GHR: variants seen among roughly 807,000 people sequenced by gnomAD.
GHR encodes the protein growth hormone receptor.
A neutral mutation model predicts 67.1 loss-of-function variants in GHR; 35 were observed. That is an observed-to-expected ratio of 0.52 (90% CI 0.40 to 0.69). The LOEUF (loss-of-function observed/expected upper bound fraction) is 0.69, where lower values mean the gene tolerates loss of function less well. Among genes scored for constraint, GHR ranks in the 30% least tolerant of loss-of-function variants. The pLI is 0.00. For synonymous variants in GHR, 272 were observed against 269.1 expected (o/e 1.01, Z -0.10); for missense variants, 792 against 764.6 (o/e 1.04, Z -0.42).
intron 3 of GHR, among the ~76,000 whole-genome samples, chr5:42,673,679 C>T (rs1433020625): frequency 6.6e-6 from 1 of 152,102 alleles, no homozygotes; most frequent in Non-Finnish European, 1.5e-5. Flanking sequence ...GAACAGAAAA[C>T]CAAATACTGC....
At chr5:42,565,835 G>A (rs1225722452) in intron 1 of GHR, 29 bp from the exon 2 acceptor site, 1 of 1,613,900 alleles carries the variant, frequency 6.2e-7, no homozygotes, top group Admixed American at 1.7e-5. Flanking sequence ...TAATTGCTGG[G>A]CTTTACCTTA....
intron 1 of GHR, among the ~76,000 whole-genome samples, chr5:42,526,830 G>C (rs1437686003): frequency 6.6e-6 from 1 of 152,188 alleles, no homozygotes; most frequent in Non-Finnish European, 1.5e-5. Context: ...AAATCAGCTA[G>C]AGAGCAAGGG....
chr5:42,574,556 G>A (rs1750537040), intron 2 of GHR, among the ~76,000 whole-genome samples: 1 of 152,154 alleles, frequency 6.6e-6, no homozygotes. Context: ...AAACTGATGT[G>A]TATACTAAAG....
chr5:42,476,645 C>T (rs1745336629), intron 1 of GHR, among the ~76,000 whole-genome samples: 1 of 152,234 alleles, frequency 6.6e-6, no homozygotes, highest in South Asian at 2.1e-4. Context: ...TTTTCCTCTA[C>T]TACTTTATGT....
At chr5:42,460,474 T>G (rs1744441508) in intron 1 of GHR, among the ~76,000 whole-genome samples, 1 of 152,234 alleles carries the variant, frequency 6.6e-6, no homozygotes, top group South Asian at 2.1e-4. Flanking sequence ...TTAAGTACTT[T>G]GCTTATCATA....
At chr5:42,493,477 G>A (rs191693254) in intron 1 of GHR, among the ~76,000 whole-genome samples, 2 of 152,174 alleles carry the variant, frequency 1.3e-5, no homozygotes, top group East Asian at 3.9e-4. Context: ...GAGCTACACA[G>A]TTTCAGACCT....
chr5:42,505,181 C>A (rs1384716178), intron 1 of GHR, among the ~76,000 whole-genome samples: 1 of 129,292 alleles, frequency 7.7e-6, no homozygotes, highest in African/African-American at 2.9e-5. Context: ...TATTTTAAAT[C>A]TATTATACTT....
At chr5:42,586,284 T>G (rs965929310) in intron 2 of GHR, among the ~76,000 whole-genome samples, 11 of 152,114 alleles carry the variant, frequency 7.2e-5, no homozygotes, top group African/African-American at 2.7e-4. Flanking sequence ...TCACTAAAAA[T>G]ATTTAGAAGA....
intron 1 of GHR, among the ~76,000 whole-genome samples, chr5:42,524,159 G>A (rs1364055474): frequency 1.3e-5 from 2 of 152,190 alleles, no homozygotes; most frequent in African/African-American, 2.4e-5. Context: ...GCAGAGTTTG[G>A]AAGAGTTTGG....
At chr5:42,507,987 G>C (rs1746849993) in intron 1 of GHR, among the ~76,000 whole-genome samples, 1 of 152,172 alleles carries the variant, frequency 6.6e-6, no homozygotes, top group Admixed American at 6.5e-5. Flanking sequence ...ATAGGAGGAG[G>C]GCCAAACAGA....
At chr5:42,465,339 A>C (rs1238351738) in intron 1 of GHR, 8 of 765,724 alleles carry the variant, frequency 1.0e-5, no homozygotes, top group South Asian at 6.5e-5. Context: ...CTTTATTTTC[A>C]GTTATTACCC....
chr5:42,708,118 A>T (rs894443662), intron 6 of GHR, among the ~76,000 whole-genome samples: 2 of 152,146 alleles, frequency 1.3e-5, no homozygotes, highest in Admixed American at 6.5e-5. Context: ...CAAAGTACAA[A>T]AAGTTCATCA....
At chr5:42,433,600 T>C (rs1351259198) in intron 1 of GHR, among the ~76,000 whole-genome samples, 1 of 152,196 alleles carries the variant, frequency 6.6e-6, no homozygotes, top group Non-Finnish European at 1.5e-5. Flanking sequence ...ACTGTACAAC[T>C]TAATGAAAAG....
rs1292035078 is a variant in GHR, at chr5:42,465,706, A to C, written c.-12+41751A>C. On this transcript the variant is annotated intron_variant, in intron 1 of 9. Transcript: ENST00000230882. ...GCTTCAGGCCACTGTAATGTGAAAA[A>C]AAAGATCTATCACTTCCACTATACC... 1.4e-5 allele frequency: 12 copies of C among 882,156 alleles called. No individual in the cohort carries two copies. In the Admixed American group the frequency reaches 2.0e-4, roughly 15 times the overall value. 54.6% of individuals were successfully genotyped at this position (882,156 alleles called of 1,614,324 possible). A position where few individuals can be genotyped will look rare whatever the true frequency, so the allele number is the denominator to read the frequency against.
In GHR at chr5:42,518,940, C is replaced by A. The variant is rs572633592; in HGVS notation, c.-11-46924C>A. Among the ~76,000 whole-genome samples, 5 of 152,246 alleles carry A rather than the reference C, an allele frequency of 3.3e-5. No homozygotes were observed. The East Asian group carries it at 9.6e-4, about 29-fold the overall frequency. On this transcript the variant is annotated intron_variant, in intron 1 of 9. Coordinates refer to ENST00000230882, the MANE Select transcript of GHR (RefSeq NM_000163.5). Reference sequence around the variant, plus strand: ...TGACTTTTTCTTGGTATTCGAGAGCCAGGAGGCTCTTGTGGTCTAATCTGG... The same window carrying A: ...TGACTTTTTCTTGGTATTCGAGAGCAAGGAGGCTCTTGTGGTCTAATCTGG...
intron 1 of GHR, among the ~76,000 whole-genome samples, chr5:42,483,680 A>G (rs1277052179): frequency 2.6e-5 from 4 of 152,178 alleles, no homozygotes; most frequent in South Asian, 2.1e-4. Flanking sequence ...AGTGAAGCCA[A>G]GCAATGTAGC....
chr5:42,619,884 G>C (rs1310294372), intron 2 of GHR: 1 of 152,108 alleles, frequency 6.6e-6, no homozygotes, highest in Non-Finnish European at 1.5e-5. Context: ...CAAGATCTAT[G>C]AATTTGCCAA....
At chr5:42,505,754 A>C (rs1023053627) in intron 1 of GHR, among the ~76,000 whole-genome samples, 1 of 152,218 alleles carries the variant, frequency 6.6e-6, no homozygotes, top group Non-Finnish European at 1.5e-5. Flanking sequence ...TAATATTTAT[A>C]TACAAAGCAA....
At chr5:42,650,668 G>A (rs1296036932) in intron 3 of GHR, among the ~76,000 whole-genome samples, 1 of 149,818 alleles carries the variant, frequency 6.7e-6, no homozygotes, top group African/African-American at 2.5e-5. Flanking sequence ...ATCACATCAG[G>A]CGGCACTGAT....
Sources: gnomAD v4.1 joint callset for allele counts (sites outside exome capture counted in the v4.1 genomes callset) on GRCh38, gnomAD v4.1.1 for gene constraint, MANE v1.5 for transcripts, NCBI Gene and HGNC (gene_info 2026-07-23, HGNC 2026-07-21) for gene names.